RNF175: variants seen among roughly 807,000 people sequenced by gnomAD.
RNF175 encodes ring finger protein 175.
Under a neutral mutation model 50.0 loss-of-function variants are expected in RNF175, and 38 were observed. The observed-to-expected ratio is 0.76, with a 90% CI of 0.59 to 1.00. The LOEUF (loss-of-function observed/expected upper bound fraction) is 1.00, where lower values mean the gene tolerates loss of function less well. RNF175 is among the 50% of genes least tolerant of loss of function. RNF175 has a pLI of 0.00. For missense variants in RNF175, 388 were observed against 409.6 expected (o/e 0.95, Z 0.46); for synonymous variants, 155 against 146.1 (o/e 1.06, Z -0.44).
intron 1 of RNF175, among the ~76,000 whole-genome samples, chr4:153,759,270 C>T (rs1012552827): frequency 6.6e-6 from 1 of 152,222 alleles, no homozygotes; most frequent in African/African-American, 2.4e-5. Flanking sequence ...CATCTTGAAT[C>T]AGAAACCCTG....
intron 4 of RNF175, among the ~76,000 whole-genome samples, chr4:153,725,110 G>T (rs1738618294): frequency 6.7e-6 from 1 of 149,262 alleles, no homozygotes; most frequent in African/African-American, 2.5e-5. Flanking sequence ...TGGGGGAGTG[G>T]GCAGGGGTGA....
At chr4:153,713,729 G>A (rs1737738099) in intron 7 of RNF175, 1 of 152,220 alleles carries the variant, frequency 6.6e-6, no homozygotes, top group East Asian at 1.9e-4. Flanking sequence ...TATGTTCTTG[G>A]AATTGGGGTC....
chr4:153,734,813 C>G (rs1055503243), intron 3 of RNF175, among the ~76,000 whole-genome samples: 1 of 151,436 alleles, frequency 6.6e-6, no homozygotes, highest in African/African-American at 2.4e-5. Context: ...GTACCTGGGA[C>G]TACAGGCACC....
At chr4:153,751,529 T>C in intron 1 of RNF175, 54 bp from the exon 2 acceptor site, 1 of 1,355,226 alleles carries the variant, frequency 7.4e-7, no homozygotes, top group South Asian at 1.3e-5. Context: ...TTCTTGGTTT[T>C]TCTGTGAAAG....
At chr4:153,755,114 A>C (rs535292828) in intron 1 of RNF175, among the ~76,000 whole-genome samples, 138 of 152,378 alleles carry the variant, frequency 9.1e-4, no homozygotes, top group Non-Finnish European at 1.7e-3. Flanking sequence ...AGAGCAGATC[A>C]GTTGATGATA....
intron 2 of RNF175, 97 bp downstream of exon 2, chr4:153,751,341 T>A (rs1161515511): frequency 7.6e-6 from 7 of 916,212 alleles, no homozygotes; most frequent in Non-Finnish European, 1.0e-5. Context: ...TCCTGGAAAA[T>A]TTACAAATAA....
chr4:153,725,812 A>G (rs1053906027), intron 4 of RNF175, among the ~76,000 whole-genome samples: 1 of 152,220 alleles, frequency 6.6e-6, no homozygotes, highest in Non-Finnish European at 1.5e-5. Flanking sequence ...TAAATGCTCA[A>G]TATGTCATAT....
intron 5 of RNF175, chr4:153,720,592 C>T (rs1738276558): frequency 3.1e-6 from 1 of 320,976 alleles, no homozygotes; most frequent in Admixed American, 4.0e-5. Flanking sequence ...TGGTTTCAGG[C>T]TCAGCTATAC....
chr4:153,727,466 A>G (rs1343776239), intron 4 of RNF175: 1 of 152,246 alleles, frequency 6.6e-6, no homozygotes, highest in Non-Finnish European at 1.5e-5. Context: ...TAGAGGATGA[A>G]GACAAATGTC....
At chr4:153,758,856 C>T (rs1740683316) in intron 1 of RNF175, among the ~76,000 whole-genome samples, 1 of 152,096 alleles carries the variant, frequency 6.6e-6, no homozygotes, top group Non-Finnish European at 1.5e-5. Context: ...CAGATCCTGT[C>T]CATTCCCCAA....
intron 5 of RNF175, chr4:153,720,508 G>C (rs1738272687): frequency 1.3e-5 from 6 of 478,440 alleles, no homozygotes; most frequent in Non-Finnish European, 2.3e-5. Context: ...GTGCCAACTG[G>C]ACAAAGGAAT....
At chr4:153,753,501 A>G (rs1039874992) in intron 1 of RNF175, among the ~76,000 whole-genome samples, 2 of 151,774 alleles carry the variant, frequency 1.3e-5, no homozygotes, top group Non-Finnish European at 2.9e-5. Context: ...GACCCTGGAC[A>G]TCTCAAACCC....
intron 8 of RNF175, among the ~76,000 whole-genome samples, chr4:153,711,432 CCTT>C (rs1737570224): frequency 6.6e-6 from 1 of 152,088 alleles, no homozygotes; most frequent in Non-Finnish European, 1.5e-5. Flanking sequence ...GATGTTGCCT[CCTT>C]CTCTGATGCC....
At chr4:153,756,092 A>G (rs1740548545) in intron 1 of RNF175, among the ~76,000 whole-genome samples, 1 of 152,172 alleles carries the variant, frequency 6.6e-6, no homozygotes, top group Non-Finnish European at 1.5e-5. Flanking sequence ...TTTCTTTTTT[A>G]TACTTCTTTA....
At chr4:153,728,175 G>C in intron 4 of RNF175, 32 bp downstream of exon 4, 1 of 1,519,238 alleles carries the variant, frequency 6.6e-7, no homozygotes, top group Non-Finnish European at 8.9e-7. Context: ...AAATAAAGGG[G>C]CTCCTGGGGA....
chr4:153,737,805 C>A (rs954929096), intron 3 of RNF175, among the ~76,000 whole-genome samples: 2 of 152,044 alleles, frequency 1.3e-5, no homozygotes, highest in African/African-American at 4.8e-5. Context: ...CTATAAATAT[C>A]ATTTAGAGCA....
chr4:153,751,949 G>C (rs753777885), intron 1 of RNF175, among the ~76,000 whole-genome samples: 6 of 152,208 alleles, frequency 3.9e-5, no homozygotes, highest in Non-Finnish European at 5.9e-5. Flanking sequence ...GCTGAGCAGA[G>C]GCTCCGTTGA....
rs552011774 is a variant in RNF175, at chr4:153,741,657, G to A, written c.246+6988C>T. 2.0e-4 allele frequency among the ~76,000 whole-genome samples: 31 copies of A among 152,108 alleles called. No homozygotes were observed. In the Middle Eastern group the frequency reaches 0.01, roughly 50 times the overall value. ...AAGCCATTGATAATCAGTTTGGTCC[G>A]TTTTTTTCTTGTTGTAAGATAAAAG... On this transcript the variant is annotated intron_variant, in intron 3 of 8. Coordinates refer to ENST00000347063, the MANE Select transcript of RNF175 (RefSeq NM_173662.4).
rs114454052 is a variant in RNF175, at chr4:153,719,337, T to C, written c.630+847A>G. Among the ~76,000 whole-genome samples, 722 of 152,366 alleles carry C rather than the reference T, an allele frequency of 4.7e-3. 4 individuals carry two copies. The highest frequency in any genetic ancestry group is 0.017 in the African/African-American group (694 of 41,592). Reference sequence around the variant, plus strand: ...TCCATGGTGTATACGTACCACACTTTCTTTTTCCAGTCTATCATTGATGGG... The same window carrying C: ...TCCATGGTGTATACGTACCACACTTCCTTTTTCCAGTCTATCATTGATGGG... On this transcript the variant is annotated intron_variant, in intron 6 of 8. Transcript: ENST00000347063.
Sources: allele counts gnomAD v4.1 joint callset (sites outside exome capture counted in the v4.1 genomes callset), GRCh38; gene constraint gnomAD v4.1.1; transcripts MANE v1.5; gene names NCBI Gene and HGNC (gene_info 2026-07-23, HGNC 2026-07-21).